Variants in CSMD1 observed in about 807,000 individuals in gnomAD.
CSMD1 encodes CUB and Sushi multiple domains 1.
Under a neutral mutation model 417.5 loss-of-function variants are expected in CSMD1, and 213 were observed. The observed-to-expected ratio is 0.51, with a 90% confidence interval of 0.46 to 0.57. The LOEUF (loss-of-function observed/expected upper bound fraction) is 0.57. Ranked by LOEUF, CSMD1 falls within the 20% of genes least tolerant of loss-of-function variation. The pLI is 0.00. For missense variants in CSMD1, 6,923 were observed against 4,529.7 expected, an observed-to-expected ratio of 1.53 and a Z score of -15.17; for synonymous variants, 2,862 against 1,736.8, an observed-to-expected ratio of 1.65 and a Z score of -16.11.
chr8:4,393,870 G>A (rs200533982), intron 3 of CSMD1, among the ~76,000 whole-genome samples: 5 of 152,120 alleles, frequency 3.3e-5, no homozygotes, highest in African/African-American at 1.2e-4. Flanking sequence ...GGAGCACACG[G>A]AACAACCATG....
intron 1 of CSMD1, among the ~76,000 whole-genome samples, chr8:4,808,790 T>C (rs1798728503): frequency 6.6e-6 from 1 of 152,178 alleles, no homozygotes; most frequent in Admixed American, 6.5e-5. Context: ...TTTTTCATAT[T>C]CCCCAGGCCA....
intron 37 of CSMD1, among the ~76,000 whole-genome samples, chr8:3,169,958 C>A (rs1820474889): frequency 6.6e-6 from 1 of 152,142 alleles, no homozygotes; most frequent in Admixed American, 6.5e-5. Flanking sequence ...CACACGCCCA[C>A]CTCATCTAAG....
At chr8:3,747,724 C>G (rs759617013) in intron 6 of CSMD1, among the ~76,000 whole-genome samples, 1 of 152,020 alleles carries the variant, frequency 6.6e-6, no homozygotes, top group Non-Finnish European at 1.5e-5. Context: ...TCCTTATGTT[C>G]AGCTTGATGG....
chr8:4,866,107 C>T (rs532321299), intron 1 of CSMD1, among the ~76,000 whole-genome samples: 2 of 152,060 alleles, frequency 1.3e-5, no homozygotes, highest in South Asian at 2.1e-4. Flanking sequence ...TCCAACTGCA[C>T]TACTAATTCA....
intron 8 of CSMD1, among the ~76,000 whole-genome samples, chr8:3,588,434 C>G (rs1377347354): frequency 6.6e-6 from 1 of 152,036 alleles, no homozygotes; most frequent in African/African-American, 2.4e-5. Flanking sequence ...TCCCCTTAAC[C>G]TGAGGCACTG....
chr8:4,340,669 G>A (rs374020724), intron 3 of CSMD1, among the ~76,000 whole-genome samples: 6 of 152,026 alleles, frequency 3.9e-5, no homozygotes, highest in African/African-American at 1.4e-4. Flanking sequence ...TATTAACCTA[G>A]AGAGTAGGCT....
intron 12 of CSMD1, among the ~76,000 whole-genome samples, chr8:3,461,331 G>A (rs1816486749): frequency 6.6e-6 from 1 of 152,220 alleles, no homozygotes; most frequent in African/African-American, 2.4e-5. Flanking sequence ...GCATGGCTGA[G>A]GAGCCAGCTT....
At chr8:2,997,596 G>C (rs953952444) in intron 54 of CSMD1, among the ~76,000 whole-genome samples, 1 of 152,018 alleles carries the variant, frequency 6.6e-6, no homozygotes, top group Admixed American at 6.6e-5. Flanking sequence ...ATTTAGCAGA[G>C]GTCTCTGTGA....
chr8:3,968,203 AAT>A (rs1812821872), intron 5 of CSMD1, among the ~76,000 whole-genome samples: 1 of 148,328 alleles, frequency 6.7e-6, no homozygotes, highest in Non-Finnish European at 1.5e-5. Context: ...TAATAATAAT[AAT>A]AATAAATAAT....
intron 1 of CSMD1, among the ~76,000 whole-genome samples, chr8:4,728,146 C>T (rs1809591638): frequency 6.9e-6 from 1 of 145,974 alleles, no homozygotes; most frequent in South Asian, 2.1e-4. Flanking sequence ...ACCTATATAT[C>T]AAATATATAT....
intron 5 of CSMD1, among the ~76,000 whole-genome samples, chr8:3,851,436 T>C (rs1207995920): frequency 6.6e-6 from 1 of 152,200 alleles, no homozygotes; most frequent in African/African-American, 2.4e-5. Context: ...GTGCTGAGTA[T>C]TGCACTTCTA....
At position 4,594,195 on chromosome 8, in the gene CSMD1, CTTTT is replaced by C. The variant is rs771415822; in HGVS notation, c.302+43143_302+43146del. On this transcript the variant is annotated intron_variant, in intron 2 of 69. Coordinates refer to ENST00000635120, the MANE Select transcript of CSMD1 (RefSeq NM_033225.6). ...TTAACTTGATTAATTCTAAAGTGAT[CTTTT>C]TTTTTTTTTTTTTTTTTTCTCTGAG... 8.0e-4 allele frequency among the ~76,000 whole-genome samples: 74 copies of C among 92,370 alleles called. 1 individual carries two copies. The East Asian group carries it at 0.018, about 23-fold the overall frequency. 60.6% of individuals were successfully genotyped at this position (92,370 alleles called of 152,430 possible).
At chr8:4,243,012 G>C (rs943009710) in intron 3 of CSMD1, among the ~76,000 whole-genome samples, 1 of 152,122 alleles carries the variant, frequency 6.6e-6, no homozygotes, top group South Asian at 2.1e-4. Context: ...AAATGCAAAG[G>C]AAACAGACTA....
chr8:4,267,001 T>C (rs1182142708), intron 3 of CSMD1, among the ~76,000 whole-genome samples: 1 of 104,640 alleles, frequency 9.6e-6, no homozygotes, highest in South Asian at 3.7e-4. Flanking sequence ...ACTTTTGTGA[T>C]TTTTACAAAA....
intron 3 of CSMD1, among the ~76,000 whole-genome samples, chr8:4,320,427 T>TA (rs1441641900): frequency 6.6e-6 from 1 of 152,098 alleles, no homozygotes; most frequent in Non-Finnish European, 1.5e-5. Flanking sequence ...GTGACATAGG[T>TA]AGACACGTGC....
chr8:4,622,117 G>C (rs936528445), intron 2 of CSMD1, among the ~76,000 whole-genome samples: 1 of 149,766 alleles, frequency 6.7e-6, no homozygotes, highest in Non-Finnish European at 1.5e-5. Flanking sequence ...GGGAAATTCA[G>C]TATGAAGAAC....
At chr8:3,172,377 C>A (rs1012764830) in intron 37 of CSMD1, among the ~76,000 whole-genome samples, 1 of 151,654 alleles carries the variant, frequency 6.6e-6, no homozygotes, top group African/African-American at 2.4e-5. Flanking sequence ...CATTTTTTTT[C>A]TAGGGATACT....
intron 1 of CSMD1, among the ~76,000 whole-genome samples, chr8:4,863,417 A>T (rs1458727372): frequency 6.6e-6 from 1 of 152,068 alleles, no homozygotes; most frequent in Non-Finnish European, 1.5e-5. Context: ...TCCCCATGAG[A>T]CTCAATAGAC....
At chr8:4,137,204 G>C (rs1803493082) in intron 3 of CSMD1, among the ~76,000 whole-genome samples, 1 of 152,150 alleles carries the variant, frequency 6.6e-6, no homozygotes, top group African/African-American at 2.4e-5. Flanking sequence ...ATCTTGCCTG[G>C]AAACAGTTGC....
Sources: gnomAD v4.1 joint callset for allele counts (sites outside exome capture counted in the v4.1 genomes callset) on GRCh38, gnomAD v4.1.1 for gene constraint, MANE v1.5 for transcripts, NCBI Gene and HGNC (gene_info 2026-07-23, HGNC 2026-07-21) for gene names.